CNTNAP2: variants seen among roughly 807,000 people sequenced by gnomAD.
CNTNAP2 encodes the protein contactin associated protein 2, also known as contactin-associated protein-like 2.
A neutral mutation model predicts 155.2 loss-of-function variants in CNTNAP2; 98 were observed. The observed-to-expected ratio is 0.63, with a 90% CI of 0.54 to 0.75. CNTNAP2 has a LOEUF of 0.75. Ranked by LOEUF, CNTNAP2 falls within the 30% of genes least tolerant of loss-of-function variation. The pLI is 0.00. For missense variants in CNTNAP2, 1,727 were observed against 1,688.1 expected, an observed-to-expected ratio of 1.02 and a Z score of -0.40; for synonymous variants, 651 against 631.2, an observed-to-expected ratio of 1.03 and a Z score of -0.47.
At chr7:147,312,014 T>G (rs1407430269) in intron 9 of CNTNAP2, among the ~76,000 whole-genome samples, 1 of 152,102 alleles carries the variant, frequency 6.6e-6, no homozygotes, top group Non-Finnish European at 1.5e-5. Flanking sequence ...AAAAGTTAAG[T>G]TCTTTCTGGT....
At chr7:147,976,121 A>G (rs11767963) in intron 14 of CNTNAP2, among the ~76,000 whole-genome samples, 5,214 of 152,306 alleles carry the variant, frequency 0.034, 155 homozygotes, top group South Asian at 0.13. Context: ...AACCATTTAA[A>G]TTGTGAAAAT....
chr7:147,826,928 A>AT (rs34322489), intron 13 of CNTNAP2, among the ~76,000 whole-genome samples: 15,322 of 123,872 alleles, frequency 0.12, 1,818 homozygotes, highest in African/African-American at 0.28. Flanking sequence ...AGCTGAATAC[A>AT]TTTTTTTTTT....
intron 13 of CNTNAP2, among the ~76,000 whole-genome samples, chr7:147,804,553 TG>T (rs67198449): frequency 0.17 from 26,255 of 150,860 alleles, 3,642 homozygotes; most frequent in African/African-American, 0.37. Context: ...TTTGTTTTTT[TG>T]TTTGTTTGTT....
intron 1 of CNTNAP2, among the ~76,000 whole-genome samples, chr7:146,653,095 A>G (rs1409641901): frequency 6.6e-6 from 1 of 152,172 alleles, no homozygotes. Context: ...GATGAAAAAA[A>G]TGATGAAAAT....
chr7:146,911,468 A>G (rs1032201040), intron 3 of CNTNAP2, among the ~76,000 whole-genome samples: 2 of 152,064 alleles, frequency 1.3e-5, no homozygotes, highest in Admixed American at 6.6e-5. Context: ...ATGGAATACT[A>G]TGCAGCCATA....
At chr7:147,437,755 T>C (rs998309340) in intron 10 of CNTNAP2, among the ~76,000 whole-genome samples, 14 of 152,178 alleles carry the variant, frequency 9.2e-5, no homozygotes, top group Non-Finnish European at 1.9e-4. Context: ...TTGATAAGAA[T>C]TGCATTGAAT....
At chr7:146,276,699 A>G (rs1056679026) in intron 1 of CNTNAP2, among the ~76,000 whole-genome samples, 1 of 152,144 alleles carries the variant, frequency 6.6e-6, no homozygotes, top group African/African-American at 2.4e-5. Context: ...GTTAGGTATC[A>G]TGTGACTCTG....
intron 11 of CNTNAP2, among the ~76,000 whole-genome samples, chr7:147,510,056 A>G (rs1056564991): frequency 2.0e-5 from 3 of 152,056 alleles, no homozygotes; most frequent in Admixed American, 6.5e-5. Flanking sequence ...CATAAGGTCT[A>G]TAATAGAGTC....
intron 1 of CNTNAP2, among the ~76,000 whole-genome samples, chr7:146,724,803 T>A (rs1428920146): frequency 2.0e-5 from 3 of 152,012 alleles, no homozygotes; most frequent in Non-Finnish European, 4.4e-5. Context: ...TCTCCTGACC[T>A]CGTGATGCAC....
chr7:147,717,028 GT>G (rs1012866160), intron 13 of CNTNAP2, among the ~76,000 whole-genome samples: 2 of 151,948 alleles, frequency 1.3e-5, no homozygotes, highest in African/African-American at 4.8e-5. Flanking sequence ...TTCTTGGTAT[GT>G]TTCCAAAATA....
intron 13 of CNTNAP2, among the ~76,000 whole-genome samples, chr7:147,841,524 G>T (rs547898336): frequency 6.6e-6 from 1 of 152,072 alleles, no homozygotes; most frequent in Non-Finnish European, 1.5e-5. Context: ...GGGGCAAAGC[G>T]CAATTTTCAT....
At chr7:146,947,557 G>GTATATATATATA (rs1325610298) in intron 3 of CNTNAP2, among the ~76,000 whole-genome samples, 2 of 50,714 alleles carry the variant, frequency 3.9e-5, no homozygotes, top group African/African-American at 5.7e-5. Context: ...GTGTGTGTGT[G>GTATATATATATA]TATATATATA....
rs192633725 is a variant in CNTNAP2 at position 147,800,534 on chromosome 7, G to A, written c.2099-103031G>A. ...TCCTTTGAAGGACACGCCTCATTTG[G>A]GTGTATAGATCTCCCTACGTTTGTT... On this transcript the variant is annotated intron_variant, in intron 13 of 23. Coordinates refer to ENST00000361727, the MANE Select transcript of CNTNAP2 (RefSeq NM_014141.6). 1.8e-4 allele frequency among the ~76,000 whole-genome samples: 27 copies of A among 151,752 alleles called. No homozygotes were observed. In the East Asian group the frequency reaches 5.2e-3, roughly 29 times the overall value.
At chr7:147,160,268 A>G (rs1802001382) in intron 8 of CNTNAP2, among the ~76,000 whole-genome samples, 1 of 152,104 alleles carries the variant, frequency 6.6e-6, no homozygotes, top group African/African-American at 2.4e-5. Context: ...CTTATCAATT[A>G]TTATATCCAG....
chr7:147,354,395 C>A (rs1796025288), intron 9 of CNTNAP2, among the ~76,000 whole-genome samples: 1 of 152,138 alleles, frequency 6.6e-6, no homozygotes, highest in Non-Finnish European at 1.5e-5. Flanking sequence ...AATAGGGAAT[C>A]CTTTCCCCAT....
chr7:148,310,375 G>A (rs1797571923), intron 21 of CNTNAP2, among the ~76,000 whole-genome samples: 1 of 152,246 alleles, frequency 6.6e-6, no homozygotes, highest in South Asian at 2.1e-4. Flanking sequence ...GAGGACAACT[G>A]CAGCTAAAGA....
At chr7:146,705,173 C>A (rs1469313449) in intron 1 of CNTNAP2, among the ~76,000 whole-genome samples, 1 of 152,086 alleles carries the variant, frequency 6.6e-6, no homozygotes, top group Non-Finnish European at 1.5e-5. Context: ...GAGATGTTGA[C>A]CAGTGCCTCA....
chr7:148,298,852 C>A (rs1422537941), intron 21 of CNTNAP2, among the ~76,000 whole-genome samples: 1 of 152,030 alleles, frequency 6.6e-6, no homozygotes, highest in Non-Finnish European at 1.5e-5. Flanking sequence ...GCACACACCA[C>A]TACACCTTGC....
chr7:146,246,258 G>A (rs1015575503), intron 1 of CNTNAP2, among the ~76,000 whole-genome samples: 31 of 150,668 alleles, frequency 2.1e-4, no homozygotes, highest in East Asian at 9.8e-4. Context: ...AGAGGAGGAC[G>A]CAAAGGAGGC....
Sources: gnomAD v4.1 joint callset for allele counts (sites outside exome capture counted in the v4.1 genomes callset) on GRCh38, gnomAD v4.1.1 for gene constraint, MANE v1.5 for transcripts, NCBI Gene and HGNC (gene_info 2026-07-23, HGNC 2026-07-21) for gene names.